Variants in FAR1 observed in about 807,000 individuals in gnomAD.
FAR1 encodes the protein fatty acyl-CoA reductase 1.
FAR1 carries 22 observed loss-of-function variants against 61.1 expected under a neutral mutation model. The observed-to-expected ratio is 0.36, with a 90% confidence interval of 0.26 to 0.51. The LOEUF (loss-of-function observed/expected upper bound fraction) is 0.51, where lower values mean the gene tolerates loss of function less well. Ranked by LOEUF, FAR1 falls within the 20% of genes least tolerant of loss-of-function variation. FAR1 has a pLI of 0.95. For missense variants in FAR1, 359 were observed against 626.9 expected (o/e 0.57, Z 4.56); for synonymous variants, 206 against 209.7 (o/e 0.98, Z 0.15).
At chr11:13,719,770 T>A (rs770594306) in intron 9 of FAR1, 1 of 152,142 alleles carries the variant, frequency 6.6e-6, no homozygotes, top group Admixed American at 6.5e-5. Flanking sequence ...AAGCATCTTA[T>A]AGCATGCAAG....
rs900891314 is a variant in FAR1, at chr11:13,711,670, C to T, written c.724-94C>T. 4 of 924,664 alleles carry T rather than the reference C, an allele frequency of 4.3e-6. No homozygotes were observed. In the Admixed American group the frequency reaches 9.0e-5, roughly 21 times the overall value. 57.3% of individuals were successfully genotyped at this position (924,664 alleles called of 1,614,324 possible). On this transcript the variant is annotated intron_variant, in intron 5 of 11. Coordinates refer to ENST00000354817, the MANE Select transcript of FAR1 (RefSeq NM_032228.6). ...TTTTTAGTTTTTAGAAGACAGCTAC[C>T]AAGTATATATTTGGGGTTGTAGAGT...
rs1429548697 is a variant in FAR1 at position 13,729,442 on chromosome 11, G to A, written c.*668G>A. ...TCTAATGACCCTATTCGATCTAAAT[G>A]GGTTTGAGAATCCATATCAGCAACA... On this transcript the variant is annotated 3_prime_UTR_variant, in exon 12 of 12. Coordinates refer to ENST00000354817, the MANE Select transcript of FAR1 (RefSeq NM_032228.6). 6.6e-6 allele frequency: 1 copy of A among 151,898 alleles called. No individual in the cohort carries two copies. The highest frequency in any genetic ancestry group is 1.5e-5 in the Non-Finnish European group (1 of 67,836). The allele number at this position is 151,898 out of a possible 1,614,324, so 9.4% of individuals were successfully genotyped here. A position where few individuals can be genotyped will look rare whatever the true frequency, so the allele number is the denominator to read the frequency against.
intron 1 of FAR1, among the ~76,000 whole-genome samples, chr11:13,693,415 G>A (rs1489050835): frequency 6.6e-6 from 1 of 152,190 alleles, no homozygotes; most frequent in Non-Finnish European, 1.5e-5. Flanking sequence ...ACCTTCGTTT[G>A]TGGATGTTTG....
chr11:13,703,930 G>A (rs1032184712), intron 3 of FAR1, among the ~76,000 whole-genome samples: 2 of 151,752 alleles, frequency 1.3e-5, no homozygotes, highest in African/African-American at 4.8e-5. Context: ...TGTAATCTCA[G>A]CTGCTTGGGA....
intron 1 of FAR1, among the ~76,000 whole-genome samples, chr11:13,684,731 A>G (rs950325326): frequency 2.6e-5 from 4 of 152,204 alleles, no homozygotes; most frequent in African/African-American, 4.8e-5. Context: ...TTCATTCAGT[A>G]TTGAAAATGT....
At chr11:13,727,473 G>A in intron 10 of FAR1, 83 bp from the exon 11 acceptor site, 1 of 1,247,808 alleles carries the variant, frequency 8.0e-7, no homozygotes, top group South Asian at 1.5e-5. Flanking sequence ...CTTGGAACTG[G>A]CCTTTAGAAA....
chr11:13,680,315 A>G (rs146908859), intron 1 of FAR1, among the ~76,000 whole-genome samples: 221 of 151,940 alleles, frequency 1.5e-3, no homozygotes, highest in African/African-American at 5.1e-3. Flanking sequence ...CTGGACTCAA[A>G]CTCTTCGCCT....
Position 13,707,462 on chromosome 11 carries a change from A to T in FAR1, c.366-438A>T, listed in dbSNP as rs932351075. ...TTTCTGAGTTTTCTCTGGCTGTATC[A>T]CCCTTATTAGTGACTCTACGTTAAC... On this transcript the variant is annotated intron_variant, in intron 3 of 11. Transcript: ENST00000354817. 4.6e-5 allele frequency among the ~76,000 whole-genome samples: 7 copies of T among 152,126 alleles called. No individual in the cohort carries two copies. The South Asian group carries it at 1.0e-3, about 22-fold the overall frequency.
At chr11:13,693,628 C>T (rs1438712804) in intron 1 of FAR1, among the ~76,000 whole-genome samples, 1 of 152,128 alleles carries the variant, frequency 6.6e-6, no homozygotes, top group Non-Finnish European at 1.5e-5. Context: ...TGGATCCTGA[C>T]CTTGATGTTT....
intron 10 of FAR1, among the ~76,000 whole-genome samples, 186 bp downstream of exon 10, chr11:13,722,045 G>A (rs1848615236): frequency 6.6e-6 from 1 of 152,074 alleles, no homozygotes; most frequent in Non-Finnish European, 1.5e-5. Context: ...AACATTTCTA[G>A]TGTAAGTATT....
intron 1 of FAR1, among the ~76,000 whole-genome samples, chr11:13,678,835 C>G (rs989409547): frequency 3.3e-5 from 5 of 152,118 alleles, no homozygotes; most frequent in African/African-American, 1.2e-4. Flanking sequence ...ACCACAAATG[C>G]TGCCTTGGAG....
At chr11:13,682,826 G>A (rs1476668814) in intron 1 of FAR1, among the ~76,000 whole-genome samples, 1 of 151,730 alleles carries the variant, frequency 6.6e-6, no homozygotes, top group Non-Finnish European at 1.5e-5. Flanking sequence ...TGCCAAGGCT[G>A]GTCTCAAACT....
intron 1 of FAR1, among the ~76,000 whole-genome samples, chr11:13,685,966 A>G (rs934448802): frequency 4.6e-5 from 7 of 152,150 alleles, no homozygotes; most frequent in African/African-American, 1.7e-4. Flanking sequence ...CAGATCATCT[A>G]TTTTAACCCC....
intron 1 of FAR1, among the ~76,000 whole-genome samples, chr11:13,673,947 C>T (rs957890833): frequency 2.0e-5 from 3 of 152,092 alleles, no homozygotes; most frequent in Admixed American, 6.5e-5. Flanking sequence ...GAAATATATA[C>T]TACCAATAAA....
At chr11:13,670,789 TTTTA>T (rs1353233046) in intron 1 of FAR1, among the ~76,000 whole-genome samples, 1 of 151,956 alleles carries the variant, frequency 6.6e-6, no homozygotes, top group Admixed American at 6.6e-5. Context: ...CTTTTGGAAT[TTTTA>T]TTTATGGGGT....
rs143770401 is a variant in FAR1, at chr11:13,695,067, T to TAA, written c.189+116_189+117dup. 6,985 of 805,196 alleles carry TAA rather than the reference T, an allele frequency of 8.7e-3. 2 individuals carry two copies. The highest frequency in any genetic ancestry group is 0.012 in the South Asian group (284 of 23,576). The allele number at this position is 805,196 out of a possible 1,614,324, so 49.9% of individuals were successfully genotyped here. On this transcript the variant is annotated intron_variant, in intron 2 of 11. Coordinates refer to ENST00000354817, the MANE Select transcript of FAR1 (RefSeq NM_032228.6). Reference sequence around the variant, plus strand: ...TTCTTCAGTATTCTGAAAAAATTAGTAAAACAAAAAAACTTAGTAAGTTCC... The same window carrying TAA: ...TTCTTCAGTATTCTGAAAAAATTAGTAAAAAACAAAAAAACTTAGTAAGTTCC...
At chr11:13,705,266 A>G (rs1848419918) in intron 3 of FAR1, among the ~76,000 whole-genome samples, 1 of 152,014 alleles carries the variant, frequency 6.6e-6, no homozygotes, top group African/African-American at 2.4e-5. Flanking sequence ...ATAACATGTC[A>G]GAGTCTCAGT....
At position 13,721,576 on chromosome 11, in the gene FAR1, C is replaced by CT. The variant is rs1848610077; in HGVS notation, c.1128-152dup. The CT allele has an allele frequency of 1.7e-6, 1 of 596,036 alleles. No individual in the cohort carries two copies. 36.9% of individuals were successfully genotyped at this position (596,036 alleles called of 1,614,324 possible). On this transcript the variant is annotated intron_variant, in intron 9 of 11. Transcript: ENST00000354817. This position sits in a 1 kb window ranked among gnomAD's most constrained non-coding sequence, Gnocchi z 4.2. ...TGTTCATCCAAGATGCAGAAATAGT[C>CT]TTATTCCCTGCTGATTTGGTACACT...
chr11:13,717,399 A>T (rs1333309712), intron 9 of FAR1, among the ~76,000 whole-genome samples: 1 of 152,180 alleles, frequency 6.6e-6, no homozygotes, highest in Non-Finnish European at 1.5e-5. Context: ...TTTTATTCAA[A>T]AAGAGAGAAA....
Sources: gnomAD v4.1 joint callset for allele counts (sites outside exome capture counted in the v4.1 genomes callset) on GRCh38, gnomAD v4.1.1 for gene constraint, Gnocchi (gnomAD v3.1) non-coding constraint, MANE v1.5 for transcripts, NCBI Gene and HGNC (gene_info 2026-07-23, HGNC 2026-07-21) for gene names.